Variants in SRPK2 observed in about 807,000 individuals in gnomAD.
The protein encoded by SRPK2 is SRSF protein kinase 2.
SRPK2 carries 21 observed loss-of-function variants against 90.8 expected under a neutral mutation model. That is an observed-to-expected ratio of 0.23 (90% CI 0.16 to 0.33). The LOEUF is 0.33. SRPK2 is among the 10% of genes least tolerant of loss of function. The pLI, the probability that SRPK2 is intolerant of heterozygous loss-of-function variation, is 1.00. For missense variants in SRPK2, 620 were observed against 869.0 expected, an observed-to-expected ratio of 0.71 and a Z score of 3.60; for synonymous variants, 288 against 311.1, an observed-to-expected ratio of 0.93 and a Z score of 0.78.
At chr7:105,380,073 T>C (rs1423287117) in intron 2 of SRPK2, among the ~76,000 whole-genome samples, 2 of 152,062 alleles carry the variant, frequency 1.3e-5, no homozygotes, top group African/African-American at 4.8e-5. Flanking sequence ...CCCAAGAGGG[T>C]GAAAGCGGCC....
rs78391527 is a variant in SRPK2 at position 105,141,015 on chromosome 7, A to G, written c.1543+993T>C. 3.2e-3 allele frequency among the ~76,000 whole-genome samples: 487 copies of G among 152,270 alleles called. 4 individuals carry two copies. The highest frequency in any genetic ancestry group is 0.01 in the Middle Eastern group (3 of 294). ...GAAAAATTGAACTGCAACAGCAACA[A>G]TAAGTCTGGATAAGGTACCTCTCAC... On this transcript the variant is annotated intron_variant, in intron 11 of 15. Coordinates refer to ENST00000393651, the MANE Select transcript of SRPK2 (RefSeq NM_182692.3).
At chr7:105,331,811 G>C (rs1814448723) in intron 2 of SRPK2, among the ~76,000 whole-genome samples, 1 of 152,106 alleles carries the variant, frequency 6.6e-6, no homozygotes. Flanking sequence ...ACCACAGATG[G>C]AACGGTCATG....
intron 3 of SRPK2, among the ~76,000 whole-genome samples, chr7:105,170,751 GGA>G (rs1186405350): frequency 2.3e-5 from 2 of 88,448 alleles, no homozygotes; most frequent in African/African-American, 8.9e-5. Context: ...AAGGGAGGAA[GGA>G]AGGAAGGAAG....
In SRPK2 at chr7:105,116,386, A is replaced by G. The variant is rs1290925610; in HGVS notation, c.*1452T>C. ...GACCAAGGCAATGTCTGGAAAAAAA[A>G]AAACCAAAACACTTTAATTTTTAAG... On this transcript the variant is annotated 3_prime_UTR_variant, in exon 16 of 16. Coordinates refer to ENST00000393651, the MANE Select transcript of SRPK2 (RefSeq NM_182692.3). 2.0e-5 allele frequency: 3 copies of G among 152,588 alleles called. No homozygotes were observed. In the East Asian group the frequency reaches 5.8e-4, roughly 29 times the overall value. 9.5% of individuals were successfully genotyped at this position (152,588 alleles called of 1,614,324 possible).
At chr7:105,115,696 CTAGT>C (rs1390210629), downstream of SRPK2, among the ~76,000 whole-genome samples, 2 of 151,090 alleles carry the variant, frequency 1.3e-5, no homozygotes, top group Non-Finnish European at 2.9e-5. Context: ...GTATTATAAA[CTAGT>C]TAGGCTGTTT....
chr7:105,213,122 C>A (rs1797055269), intron 2 of SRPK2, among the ~76,000 whole-genome samples: 1 of 152,170 alleles, frequency 6.6e-6, no homozygotes, highest in Non-Finnish European at 1.5e-5. Context: ...TACCTAAGGA[C>A]AACTCTAATT....
intron 2 of SRPK2, chr7:105,304,276 C>G (rs1810908750): frequency 1.3e-5 from 2 of 152,184 alleles, no homozygotes; most frequent in South Asian, 4.1e-4. Context: ...TCTAACAACC[C>G]AGATTGCCTA....
chr7:105,325,186 A>C (rs1813418442), intron 2 of SRPK2, among the ~76,000 whole-genome samples: 1 of 152,194 alleles, frequency 6.6e-6, no homozygotes, highest in Non-Finnish European at 1.5e-5. Context: ...AATCAAAGAA[A>C]GCATTTTACC....
chr7:105,161,059 GA>G (rs1807554148), intron 6 of SRPK2, among the ~76,000 whole-genome samples: 1 of 152,032 alleles, frequency 6.6e-6, no homozygotes, highest in South Asian at 2.1e-4. Flanking sequence ...CCGAGCAGCT[GA>G]AACTACAGGT....
At chr7:105,354,756 T>C (rs748594844) in intron 2 of SRPK2, among the ~76,000 whole-genome samples, 9 of 152,184 alleles carry the variant, frequency 5.9e-5, no homozygotes, top group Non-Finnish European at 1.2e-4. Flanking sequence ...ATAACTCACA[T>C]GTACAATTCA....
intron 2 of SRPK2, among the ~76,000 whole-genome samples, chr7:105,273,150 G>A (rs1806050213): frequency 6.6e-6 from 1 of 151,912 alleles, no homozygotes; most frequent in African/African-American, 2.4e-5. Context: ...GGGAGGCGGA[G>A]GTTGCAGTGA....
rs76653746 is a variant in SRPK2, at chr7:105,398,753, A to G, written n.153+403T>C. ...ACTTCTCAGTGGCAATAGCACCATC[A>G]TAATAGTGTAACATAGAAGAGAGTG... On this transcript the variant is annotated intron_variant and non_coding_transcript_variant, in intron 1 of 3. Transcript: ENST00000462282. Among the ~76,000 whole-genome samples the G allele has an allele frequency of 8.2e-3, 1,257 of 152,366 alleles. 10 individuals carry two copies. The highest frequency in any genetic ancestry group is 0.011 in the Non-Finnish European group (779 of 68,038).
intron 13 of SRPK2, among the ~76,000 whole-genome samples, chr7:105,130,013 T>G (rs1030489978): frequency 6.6e-6 from 1 of 152,142 alleles, no homozygotes; most frequent in African/African-American, 2.4e-5. Context: ...AAACCAATGC[T>G]TCAGCCACAA....
At chr7:105,135,305 A>C (rs1410753171) in intron 11 of SRPK2, among the ~76,000 whole-genome samples, 2 of 152,328 alleles carry the variant, frequency 1.3e-5, no homozygotes, top group South Asian at 2.1e-4. Context: ...CACCGAAGAC[A>C]CTAAAAACCC....
intron 2 of SRPK2, among the ~76,000 whole-genome samples, chr7:105,295,644 T>C (rs1395471842): frequency 6.6e-6 from 1 of 152,210 alleles, no homozygotes; most frequent in South Asian, 2.1e-4. Context: ...TGCTGTTTAA[T>C]GGGTACAGAG....
At chr7:105,129,809 A>C (rs1330796462) in intron 13 of SRPK2, among the ~76,000 whole-genome samples, 3 of 152,238 alleles carry the variant, frequency 2.0e-5, no homozygotes, top group Non-Finnish European at 4.4e-5. Context: ...CCTCTCTCCT[A>C]AAACATTCTC....
chr7:105,149,407 T>C (rs909629880), intron 7 of SRPK2, among the ~76,000 whole-genome samples: 3 of 152,196 alleles, frequency 2.0e-5, no homozygotes, highest in African/African-American at 7.2e-5. Flanking sequence ...CTCACGTGTT[T>C]GTTGCTGACC....
At chr7:105,168,773 G>GTGTGTGTGTT (rs1554434057) in intron 4 of SRPK2, among the ~76,000 whole-genome samples, 1 of 149,988 alleles carries the variant, frequency 6.7e-6, no homozygotes, top group African/African-American at 2.4e-5. Flanking sequence ...GTGTGTGTGT[G>GTGTGTGTGTT]TGTGTGTGTA....
intron 3 of SRPK2, among the ~76,000 whole-genome samples, chr7:105,200,970 A>G (rs1795472651): frequency 6.6e-6 from 1 of 152,212 alleles, no homozygotes; most frequent in Admixed American, 6.5e-5. Flanking sequence ...TCTGATCTTG[A>G]TGGTTGTATT....
Sources: gnomAD v4.1 joint callset for allele counts (sites outside exome capture counted in the v4.1 genomes callset) on GRCh38, gnomAD v4.1.1 for gene constraint, MANE v1.5 for transcripts, NCBI Gene and HGNC (gene_info 2026-07-23, HGNC 2026-07-21) for gene names.